RRM2: variants seen among roughly 807,000 people sequenced by gnomAD.
RRM2 encodes ribonucleoside-diphosphate reductase subunit M2.
RRM2 carries 6 observed loss-of-function variants against 45.9 expected under a neutral mutation model. That is an observed-to-expected ratio of 0.13 (90% confidence interval 0.07 to 0.26). The LOEUF is 0.26. Among genes scored for constraint, RRM2 ranks in the 10% least tolerant of loss-of-function variants. The pLI, the probability that RRM2 is intolerant of heterozygous loss-of-function variation, is 1.00. For missense variants in RRM2, 343 were observed against 489.5 expected (o/e 0.70, Z 2.82); for synonymous variants, 177 against 173.0 (o/e 1.02, Z -0.18).
intron 3 of RRM2, among the ~76,000 whole-genome samples, chr2:10,184,104 A>C (rs1212175360): frequency 4.3e-5 from 6 of 139,126 alleles, no homozygotes; most frequent in African/African-American, 1.5e-4. Flanking sequence ...AAAAAAAAAA[A>C]AAAAAAAAAA....
upstream of RRM2, among the ~76,000 whole-genome samples, chr2:10,140,938 C>T (rs1179890594): frequency 6.6e-6 from 1 of 152,122 alleles, no homozygotes; most frequent in Non-Finnish European, 1.5e-5. Context: ...GGGAGAGGGA[C>T]CCTGAGCTCT....
intron 3 of RRM2, among the ~76,000 whole-genome samples, chr2:10,146,461 G>A (rs986500865): frequency 6.6e-6 from 1 of 152,236 alleles, no homozygotes; most frequent in Non-Finnish European, 1.5e-5. Context: ...TAGGGAAGGG[G>A]TGTAAGTGGC....
chr2:10,150,718 CAG>C (rs1663291341), intron 3 of RRM2, among the ~76,000 whole-genome samples: 1 of 147,740 alleles, frequency 6.8e-6, no homozygotes, highest in East Asian at 2.0e-4. Flanking sequence ...TTTCCGTCGC[CAG>C]AGTTTACATT....
rs1448285017 is a variant in RRM2 at position 10,127,587 on chromosome 2, G to A, written c.798+367G>A. Among the ~76,000 whole-genome samples the A allele has an allele frequency of 6.6e-6, 1 of 152,002 alleles. No individual in the cohort carries two copies. The highest frequency in any genetic ancestry group is 1.9e-4 in the East Asian group (1 of 5,152). On this transcript the variant is annotated intron_variant, in intron 7 of 9. Coordinates refer to ENST00000304567, the MANE Select transcript of RRM2 (RefSeq NM_001034.4). The surrounding 1 kb of genome is among the most constrained non-coding windows in gnomAD (Gnocchi z 4.1). ...CCTCCTAGGTTCAAGTGATTCTCCCGCCTCAGCCTCCCAAGTAGCTGGGAT... is the reference window on the plus strand; with the variant it reads ...CCTCCTAGGTTCAAGTGATTCTCCCACCTCAGCCTCCCAAGTAGCTGGGAT...
downstream of RRM2, among the ~76,000 whole-genome samples, chr2:10,131,851 C>T (rs1251230470): frequency 2.0e-5 from 3 of 152,200 alleles, no homozygotes. Context: ...CAGGTACACC[C>T]GAAAGGTGGT....
intron 3 of RRM2, among the ~76,000 whole-genome samples, chr2:10,149,238 C>T (rs1663256002): frequency 6.6e-6 from 1 of 151,942 alleles, no homozygotes; most frequent in Admixed American, 6.6e-5. Context: ...AAGCGATTCT[C>T]CTACCTCAGC....
intron 3 of RRM2, among the ~76,000 whole-genome samples, chr2:10,167,641 G>A (rs1473010588): frequency 6.6e-6 from 1 of 152,156 alleles, no homozygotes; most frequent in Non-Finnish European, 1.5e-5. Flanking sequence ...TCCTCCTTGT[G>A]TCTTCTCTCT....
At chr2:10,161,969 G>A (rs779224170) in intron 3 of RRM2, among the ~76,000 whole-genome samples, 15 of 152,224 alleles carry the variant, frequency 9.9e-5, no homozygotes, top group Non-Finnish European at 2.2e-4. Flanking sequence ...GGAGAGAACA[G>A]CCACTAGGGC....
Position 10,128,962 on chromosome 2 carries a change from G to T in RRM2, c.903+10G>T. 1.2e-6 allele frequency: 2 copies of T among 1,608,186 alleles called. No homozygotes were observed. The highest frequency in any genetic ancestry group is 1.7e-6 in the Non-Finnish European group (2 of 1,174,586). The stretch of plus-strand genomic sequence containing the variant: ...TGTTCGGATAGAACAGGTAAAGTGG[G>T]TGATGAAATGGGTCACTCAAGCTTG... On this transcript the variant is annotated intron_variant, in intron 8 of 9. Coordinates refer to ENST00000304567, the MANE Select transcript of RRM2 (RefSeq NM_001034.4).
chr2:10,166,442 G>A (rs1046391525), intron 3 of RRM2, among the ~76,000 whole-genome samples: 19 of 152,244 alleles, frequency 1.2e-4, no homozygotes, highest in African/African-American at 4.6e-4. Context: ...AAGCTGCCCT[G>A]AACAGAGCCT....
chr2:10,150,058 A>T (rs1663273494), intron 3 of RRM2, among the ~76,000 whole-genome samples: 1 of 152,176 alleles, frequency 6.6e-6, no homozygotes, highest in Non-Finnish European at 1.5e-5. Context: ...TCATGCCTGT[A>T]ATCCCAGCAC....
intron 2 of RRM2, 77 bp downstream of exon 2, chr2:10,123,134 G>T (rs1231196364): frequency 2.7e-5 from 40 of 1,463,754 alleles, no homozygotes; most frequent in Non-Finnish European, 3.5e-5. Flanking sequence ...TGTTTCCTCA[G>T]CTGTTCACAC....
intron 3 of RRM2, among the ~76,000 whole-genome samples, chr2:10,184,695 C>G (rs1664128059): frequency 6.6e-6 from 1 of 152,216 alleles, no homozygotes; most frequent in East Asian, 1.9e-4. Context: ...GTCTCTCGGT[C>G]TCCATGGGTT....
rs72788303 is a variant in RRM2 at position 10,171,123 on chromosome 2, G to A, written n.482+28748G>A. ...CTGCGCCACTCATTATAGGCTGCGGGGCCTGCACAGACCCCAGGCATCGAG... is the reference window on the plus strand; with the variant it reads ...CTGCGCCACTCATTATAGGCTGCGGAGCCTGCACAGACCCCAGGCATCGAG... On this transcript the variant is annotated intron_variant and non_coding_transcript_variant, in intron 3 of 3. Transcript: ENST00000381786. This position sits in a 1 kb window ranked among gnomAD's most constrained non-coding sequence, Gnocchi z 4.1. Among the ~76,000 whole-genome samples the A allele has an allele frequency of 0.15, 22,451 of 152,178 alleles. 2,045 individuals are homozygous for A. Among genetic ancestry groups the A allele is most frequent in the Non-Finnish European group, 0.2 (13,338 of 67,994 alleles).
chr2:10,142,339 T>G (rs745720913), exon 3 of RRM2: 38 of 1,380,214 alleles, frequency 2.8e-5, no homozygotes, highest in South Asian at 7.9e-5. Context: ...TTACTCGGGG[T>G]GCGCCAGTGG....
intron 3 of RRM2, among the ~76,000 whole-genome samples, chr2:10,146,748 G>GAGA (rs898434301): frequency 2.6e-4 from 39 of 152,238 alleles, no homozygotes; most frequent in Admixed American, 5.9e-4. Context: ...GGAGGGAGAG[G>GAGA]AGAGGGCAGT....
chr2:10,210,711 C>T, exon 4 of RRM2: 1 of 971,782 alleles, frequency 1.0e-6, no homozygotes, highest in Non-Finnish European at 1.4e-6. Context: ...TGATGTGAGC[C>T]CACAGGGTGG....
intron 3 of RRM2, among the ~76,000 whole-genome samples, chr2:10,191,884 T>C (rs1664313661): frequency 6.6e-6 from 1 of 152,122 alleles, no homozygotes; most frequent in Admixed American, 6.5e-5. Context: ...AAGGACACAC[T>C]TTAGGACCTA....
chr2:10,171,118 T>C lies in RRM2; in HGVS notation n.482+28743T>C, dbSNP rs1663796151. ...ATAGGCTGCGCCACTCATTATAGGC[T>C]GCGGGGCCTGCACAGACCCCAGGCA... is the stretch of plus-strand genomic sequence containing the variant. On this transcript the variant is annotated intron_variant and non_coding_transcript_variant, in intron 3 of 3. Coordinates refer to the RRM2 transcript ENST00000381786. This position sits in a 1 kb window ranked among gnomAD's most constrained non-coding sequence, Gnocchi z 4.1. 1.3e-5 allele frequency among the ~76,000 whole-genome samples: 2 copies of C among 152,154 alleles called. No homozygotes were observed. The highest frequency in any genetic ancestry group is 1.3e-4 in the Admixed American group (2 of 15,282).
Sources: allele counts gnomAD v4.1 joint callset (sites outside exome capture counted in the v4.1 genomes callset), GRCh38; gene constraint gnomAD v4.1.1; non-coding constraint Gnocchi (gnomAD v3.1); transcripts MANE v1.5; gene names NCBI Gene and HGNC (gene_info 2026-07-23, HGNC 2026-07-21).